Variants in C14orf39 observed in about 807,000 individuals in gnomAD.
C14orf39 encodes chromosome 14 open reading frame 39, also known as protein SIX6OS1.
C14orf39 carries 66 observed loss-of-function variants against 85.6 expected under a neutral mutation model. That is an observed-to-expected ratio of 0.77 (90% CI 0.63 to 0.95). C14orf39 has a LOEUF of 0.95. Among genes scored for constraint, C14orf39 ranks in the 40% least tolerant of loss-of-function variants. The pLI is 0.00. For synonymous variants in C14orf39, 242 were observed against 214.0 expected, an observed-to-expected ratio of 1.13 and a Z score of -1.14; for missense variants, 735 against 663.9, an observed-to-expected ratio of 1.11 and a Z score of -1.18.
intron 16 of C14orf39, among the ~76,000 whole-genome samples, chr14:60,454,499 A>C (rs1891177054): frequency 6.6e-6 from 1 of 151,954 alleles, no homozygotes; most frequent in Non-Finnish European, 1.5e-5. Context: ...TAATGTTTCT[A>C]CTTTTTGAAT....
intron 9 of C14orf39, among the ~76,000 whole-genome samples, chr14:60,467,506 T>C (rs1891853654): frequency 6.6e-6 from 1 of 151,896 alleles, no homozygotes; most frequent in Admixed American, 6.6e-5. Flanking sequence ...TAGTTTTCAC[T>C]AAATTTTATC....
chr14:60,470,321 T>C (rs958783951), intron 7 of C14orf39, among the ~76,000 whole-genome samples: 1 of 151,896 alleles, frequency 6.6e-6, no homozygotes, highest in Non-Finnish European at 1.5e-5. Context: ...TTGAAAATGA[T>C]AGAATAGTGA....
chr14:60,454,273 T>C (rs1891165557), intron 16 of C14orf39, among the ~76,000 whole-genome samples: 1 of 151,962 alleles, frequency 6.6e-6, no homozygotes, highest in South Asian at 2.1e-4. Context: ...GCAATAACAA[T>C]ATTACTCATA....
intron 1 of C14orf39, chr14:60,509,992 C>T (rs754336371): frequency 1.3e-6 from 2 of 1,574,494 alleles, no homozygotes; most frequent in Non-Finnish European, 1.7e-6. Context: ...GAGGCCTCCG[C>T]GCTTTGAGCG....
chr14:60,473,810 G>C (rs190822329), intron 5 of C14orf39, among the ~76,000 whole-genome samples: 1 of 152,138 alleles, frequency 6.6e-6, no homozygotes, highest in Non-Finnish European at 1.5e-5. Context: ...CTGTAGCCTT[G>C]TAGTATAGTT....
At chr14:60,480,367 C>T (rs1464438542) in intron 4 of C14orf39, among the ~76,000 whole-genome samples, 3 of 151,988 alleles carry the variant, frequency 2.0e-5, no homozygotes, top group Non-Finnish European at 2.9e-5. Flanking sequence ...GGGAGGAGGT[C>T]GCAGTGAGTG....
In C14orf39 at chr14:60,436,831, A is replaced by G. The variant is rs987457883; in HGVS notation, c.*14T>C. ...CACAGAACAGTAAAATAATTTAAGG[A>G]ATTAATGACTAGCTCAAAAAAAAGT... On this transcript the variant is annotated 3_prime_UTR_variant, in exon 18 of 18. Transcript: ENST00000321731. 1 of 1,552,706 alleles carries G rather than the reference A, an allele frequency of 6.4e-7. No homozygotes were observed. Among genetic ancestry groups the G allele is most frequent in the African/African-American group, 1.4e-5 (1 of 72,972 alleles).
intron 1 of C14orf39, among the ~76,000 whole-genome samples, chr14:60,499,812 C>A (rs1893114559): frequency 2.0e-5 from 3 of 152,120 alleles, no homozygotes; most frequent in South Asian, 4.2e-4. Flanking sequence ...TTTGAAGTGA[C>A]CTTACATATG....
chr14:60,458,942 C>T (rs1360969606), intron 13 of C14orf39, among the ~76,000 whole-genome samples: 2 of 151,214 alleles, frequency 1.3e-5, no homozygotes, highest in South Asian at 2.1e-4. Context: ...AAGAGAATAC[C>T]CATGTTTCTT....
intron 4 of C14orf39, among the ~76,000 whole-genome samples, 196 bp downstream of exon 4, chr14:60,483,491 TAGTG>T (rs960463765): frequency 6.6e-6 from 1 of 152,226 alleles, no homozygotes; most frequent in African/African-American, 2.4e-5. Flanking sequence ...GGATCTGAAT[TAGTG>T]AGCTCTTATA....
chr14:60,451,031 C>T (rs1418768107), intron 16 of C14orf39, among the ~76,000 whole-genome samples: 1 of 152,104 alleles, frequency 6.6e-6, no homozygotes, highest in Admixed American at 6.6e-5. Context: ...ACAGTAAATA[C>T]CTAATTCTTC....
chr14:60,462,113 C>T (rs192730706), intron 11 of C14orf39, among the ~76,000 whole-genome samples: 274 of 152,170 alleles, frequency 1.8e-3, no homozygotes, highest in African/African-American at 6.4e-3. Flanking sequence ...GTGACTTATG[C>T]CTGTAATCCC....
At chr14:60,467,902 T>C (rs1350536493) in intron 9 of C14orf39, among the ~76,000 whole-genome samples, 1 of 151,650 alleles carries the variant, frequency 6.6e-6, no homozygotes, top group Non-Finnish European at 1.5e-5. Context: ...GTAATACATC[T>C]ATTTTTCTGT....
chr14:60,448,275 A>C (rs547468695), intron 16 of C14orf39, among the ~76,000 whole-genome samples: 6 of 152,200 alleles, frequency 3.9e-5, no homozygotes, highest in South Asian at 2.1e-4. Context: ...AATGGGAGAA[A>C]ATTTTTGCAA....
At chr14:60,480,990 C>G (rs575473865) in intron 4 of C14orf39, among the ~76,000 whole-genome samples, 2 of 152,006 alleles carry the variant, frequency 1.3e-5, no homozygotes, top group African/African-American at 4.8e-5. Context: ...AGATGTTGAT[C>G]AAAGAACACA....
chr14:60,478,196 C>T (rs1465080351), intron 5 of C14orf39, 104 bp downstream of exon 5: 1 of 110,752 alleles, frequency 9.0e-6, no homozygotes, highest in African/African-American at 4.8e-5. Flanking sequence ...AAAAAAGAAA[C>T]TCCTTGAGTA....
chr14:60,442,097 G>A lies in C14orf39; in HGVS notation c.1538C>T (p.Pro513Leu). ...NEHYSARNLN[P>L]LSSEQEIGNL... ...ACCAATCTCTTGCTCTGATGACAGA[G>A]GATTTAGATTTCTTGCAGAATAATG... The change falls in exon 17 of 18, where the codon CCT (proline) becomes CTT (leucine). Residue 513 changes from proline (P) to leucine (L), a missense_variant. By Grantham distance (98) the Pro-to-Leu change is moderately conservative. Coordinates refer to ENST00000321731, the MANE Select transcript of C14orf39 (RefSeq NM_174978.3). The A allele has an allele frequency of 6.2e-7, 1 of 1,610,010 alleles. No homozygotes were observed. Among genetic ancestry groups the A allele is most frequent in the Non-Finnish European group, 8.5e-7 (1 of 1,177,268 alleles).
intron 4 of C14orf39, among the ~76,000 whole-genome samples, chr14:60,479,755 AC>A (rs1892552323): frequency 6.6e-6 from 1 of 152,110 alleles, no homozygotes; most frequent in Non-Finnish European, 1.5e-5. Flanking sequence ...CTTTTTAAAA[AC>A]CTTCCTTTAC....
intron 9 of C14orf39, among the ~76,000 whole-genome samples, chr14:60,467,882 A>T (rs1891874073): frequency 6.6e-6 from 1 of 151,784 alleles, no homozygotes; most frequent in African/African-American, 2.4e-5. Context: ...GCTGGTCAGA[A>T]ATAGCAATAG....
Sources: allele counts gnomAD v4.1 joint callset (sites outside exome capture counted in the v4.1 genomes callset), GRCh38; gene constraint gnomAD v4.1.1; transcripts MANE v1.5; gene names NCBI Gene and HGNC (gene_info 2026-07-23, HGNC 2026-07-21).